Variants in AGBL1 observed in about 807,000 individuals in gnomAD.
AGBL1 encodes the protein AGBL carboxypeptidase 1, also known as cytosolic carboxypeptidase 4.
A neutral mutation model predicts 118.9 loss-of-function variants in AGBL1; 130 were observed. The ratio of observed to expected loss-of-function variants is 1.09; its 90% CI spans 0.95 to 1.26. The LOEUF (loss-of-function observed/expected upper bound fraction) is 1.26. Ranked by LOEUF, AGBL1 falls within the 50% of genes most tolerant of loss-of-function variation. The probability of loss-of-function intolerance (pLI) is 0.00; values close to 1 mark genes in which losing one functional copy is unlikely to be tolerated. For synonymous variants in AGBL1, 555 were observed against 478.9 expected (o/e 1.16, Z -2.08); for missense variants, 1,584 against 1,298.1 (o/e 1.22, Z -3.38).
At chr15:86,103,106 A>AT (rs982191329) in intron 1 of AGBL1, among the ~76,000 whole-genome samples, 105 of 151,882 alleles carry the variant, frequency 6.9e-4, no homozygotes, top group African/African-American at 2.4e-3. Context: ...AGTATTTTTT[A>AT]TTCATTTAAT....
intron 18 of AGBL1, among the ~76,000 whole-genome samples, chr15:86,438,893 C>T (rs1250213856): frequency 6.6e-6 from 1 of 152,020 alleles, no homozygotes; most frequent in East Asian, 1.9e-4. Context: ...AACTCCTGAC[C>T]TCAAGTGATC....
At chr15:86,268,913 T>C (rs1458721863) in intron 13 of AGBL1, among the ~76,000 whole-genome samples, 1 of 152,198 alleles carries the variant, frequency 6.6e-6, no homozygotes, top group Non-Finnish European at 1.5e-5. Flanking sequence ...AAAAACATTT[T>C]CCTTTTCATA....
intron 21 of AGBL1, among the ~76,000 whole-genome samples, chr15:86,647,235 G>T (rs1198459174): frequency 1.3e-5 from 2 of 151,880 alleles, no homozygotes; most frequent in Non-Finnish European, 2.9e-5. Context: ...AAGATAATTT[G>T]TAAAGTAGAA....
At chr15:86,599,958 T>C (rs1000308663) in intron 21 of AGBL1, among the ~76,000 whole-genome samples, 1 of 152,130 alleles carries the variant, frequency 6.6e-6, no homozygotes, top group Non-Finnish European at 1.5e-5. Context: ...ACAAAACTTA[T>C]TAAATACCCC....
At chr15:86,687,599 G>A (rs1312619303) in intron 22 of AGBL1, among the ~76,000 whole-genome samples, 2 of 152,118 alleles carry the variant, frequency 1.3e-5, no homozygotes, top group East Asian at 1.9e-4. Context: ...ATCATGGCCT[G>A]TGAATAGACA....
At chr15:86,335,263 C>T (rs538314828) in intron 17 of AGBL1, among the ~76,000 whole-genome samples, 1,530 of 152,098 alleles carry the variant, frequency 0.01, 32 homozygotes, top group African/African-American at 0.034. Context: ...CTCAGCCTCC[C>T]GAGTAGCTGG....
intron 22 of AGBL1, among the ~76,000 whole-genome samples, chr15:86,751,334 G>A (rs2077848325): frequency 6.6e-6 from 1 of 151,974 alleles, no homozygotes; most frequent in Non-Finnish European, 1.5e-5. Flanking sequence ...ATATGCAGAA[G>A]GTTGAAACTA....
chr15:86,514,102 G>A (rs944946176), intron 18 of AGBL1, among the ~76,000 whole-genome samples: 1 of 150,314 alleles, frequency 6.7e-6, no homozygotes, highest in Non-Finnish European at 1.5e-5. Context: ...CTAGCAGACA[G>A]AGCTGGGAAA....
intron 21 of AGBL1, among the ~76,000 whole-genome samples, chr15:86,604,865 G>A (rs559180777): frequency 7.0e-6 from 1 of 142,584 alleles, no homozygotes; most frequent in East Asian, 2.1e-4. Flanking sequence ...ATGTGATCTC[G>A]GCTCACTGCA....
intron 5 of AGBL1, chr15:86,173,303 T>C (rs2077439522): frequency 6.6e-6 from 1 of 152,172 alleles, no homozygotes; most frequent in East Asian, 1.9e-4. Context: ...TTATATGTTT[T>C]CTTGCTATTG....
At chr15:86,444,278 G>A (rs2082096763) in intron 18 of AGBL1, among the ~76,000 whole-genome samples, 1 of 152,132 alleles carries the variant, frequency 6.6e-6, no homozygotes, top group Non-Finnish European at 1.5e-5. Flanking sequence ...CTCTTGCTGG[G>A]TTTCCTCATT....
chr15:86,556,963 C>T (rs181510240), intron 21 of AGBL1, among the ~76,000 whole-genome samples: 7 of 152,140 alleles, frequency 4.6e-5, no homozygotes, highest in Admixed American at 6.5e-5. Flanking sequence ...TCATTCTTTA[C>T]AGTGACATTT....
At chr15:87,009,840 C>A (rs1476408557) in intron 24 of AGBL1, among the ~76,000 whole-genome samples, 1 of 152,206 alleles carries the variant, frequency 6.6e-6, no homozygotes, top group Non-Finnish European at 1.5e-5. Flanking sequence ...GTAGCCCCTT[C>A]ATTTTGGCCA....
intron 18 of AGBL1, among the ~76,000 whole-genome samples, chr15:86,431,375 T>C (rs573840925): frequency 1.5e-4 from 23 of 152,224 alleles, no homozygotes; most frequent in Non-Finnish European, 2.8e-4. Flanking sequence ...CCTATACACG[T>C]GGACAGCTAA....
chr15:86,906,362 G>T (rs1170643809), intron 22 of AGBL1, among the ~76,000 whole-genome samples: 2 of 152,190 alleles, frequency 1.3e-5, no homozygotes, highest in East Asian at 1.9e-4. Flanking sequence ...ATCGCTTGCT[G>T]GTCAACCCCT....
intron 18 of AGBL1, among the ~76,000 whole-genome samples, chr15:86,495,437 AC>A (rs1403920662): frequency 4.6e-5 from 7 of 151,510 alleles, no homozygotes; most frequent in African/African-American, 7.3e-5. Flanking sequence ...CATTAAAAAA[AC>A]CTTATAAAAA....
At position 86,554,530 on chromosome 15, in the gene AGBL1, C is replaced by A; in HGVS notation, c.2987C>A (p.Pro996His). The A allele has an allele frequency of 6.5e-7, 1 of 1,526,938 alleles. No individual in the cohort carries two copies. Among genetic ancestry groups the A allele is most frequent in the East Asian group, 2.4e-5 (1 of 41,086 alleles). 94.6% of individuals were successfully genotyped at this position (1,526,938 alleles called of 1,614,324 possible). A position where few individuals can be genotyped will look rare whatever the true frequency, so the allele number is the denominator to read the frequency against. Reference sequence around the variant, plus strand: ...AGCTACTGTGGCTGCAACCAGGGCCCTTATCAGGTATGTGAGGCTGCAGGA... The same window carrying A: ...AGCTACTGTGGCTGCAACCAGGGCCATTATCAGGTATGTGAGGCTGCAGGA... Reference protein sequence around the residue: ...ESSYCGCNQGPYQGLQFGTRE... With the variant: ...ESSYCGCNQGHYQGLQFGTRE... The change falls in exon 21 of 23, where the codon CCT becomes CAT. Residue 996 changes from proline (P) to histidine (H), a missense_variant. Physicochemically the swap from Pro to His is moderately conservative, Grantham distance 77. Transcript: ENST00000614907.
chr15:86,997,955 T>G (rs1048226685), intron 24 of AGBL1, among the ~76,000 whole-genome samples: 10 of 151,296 alleles, frequency 6.6e-5, no homozygotes, highest in Admixed American at 6.0e-4. Flanking sequence ...TTTTTGTATT[T>G]TATATATTTA....
chr15:86,149,369 T>C (rs2077075818), intron 3 of AGBL1, among the ~76,000 whole-genome samples: 1 of 152,124 alleles, frequency 6.6e-6, no homozygotes, highest in African/African-American at 2.4e-5. Context: ...CAGAGTGCCA[T>C]ATTCAGGAGA....
Sources: allele counts gnomAD v4.1 joint callset (sites outside exome capture counted in the v4.1 genomes callset), GRCh38; gene constraint gnomAD v4.1.1; transcripts MANE v1.5; gene names NCBI Gene and HGNC (gene_info 2026-07-23, HGNC 2026-07-21).